PEAK1: variants seen among roughly 807,000 people sequenced by gnomAD.
The protein encoded by PEAK1 is inactive tyrosine-protein kinase PEAK1.
PEAK1 carries 54 observed loss-of-function variants against 124.7 expected under a neutral mutation model. That is an observed-to-expected ratio of 0.43 (90% CI 0.35 to 0.54). The LOEUF is 0.54. PEAK1 is among the 20% of genes least tolerant of loss of function. The pLI, the probability that PEAK1 is intolerant of heterozygous loss-of-function variation, is 0.01. For missense variants in PEAK1, 2,046 were observed against 2,134.5 expected (o/e 0.96, Z 0.82); for synonymous variants, 719 against 760.0 (o/e 0.95, Z 0.89).
At chr15:77,376,601 T>C (rs934852204) in intron 1 of PEAK1, among the ~76,000 whole-genome samples, 1 of 152,190 alleles carries the variant, frequency 6.6e-6, no homozygotes, top group Non-Finnish European at 1.5e-5. Flanking sequence ...CCACAGCATA[T>C]TTCGAAGATA....
At chr15:77,261,292 GAGA>G (rs1363021740) in intron 5 of PEAK1, among the ~76,000 whole-genome samples, 5 of 151,832 alleles carry the variant, frequency 3.3e-5, no homozygotes, top group East Asian at 1.9e-4. Context: ...GATGAGTTGA[GAGA>G]AGAAGGCTTC....
chr15:77,339,233 G>A (rs1425139448), intron 2 of PEAK1, among the ~76,000 whole-genome samples: 1 of 151,270 alleles, frequency 6.6e-6, no homozygotes, highest in Non-Finnish European at 1.5e-5. Context: ...ATCTCAGCCT[G>A]CGGGGTAGCT....
chr15:77,412,805 T>C (rs962639832), intron 1 of PEAK1, among the ~76,000 whole-genome samples: 1 of 151,682 alleles, frequency 6.6e-6, no homozygotes, highest in Non-Finnish European at 1.5e-5. Context: ...AAGATGAACC[T>C]GAAGCATGTG....
At chr15:77,150,530 A>G (rs1217338606) in intron 8 of PEAK1, among the ~76,000 whole-genome samples, 2 of 152,106 alleles carry the variant, frequency 1.3e-5, no homozygotes, top group East Asian at 3.8e-4. Context: ...TTTTTATTAC[A>G]CTTTAAGTTT....
chr15:77,116,498 G>A (rs1373633359), intron 9 of PEAK1, among the ~76,000 whole-genome samples: 1 of 151,570 alleles, frequency 6.6e-6, no homozygotes, highest in African/African-American at 2.4e-5. Context: ...CACATTCTTA[G>A]GAAGATTCAG....
chr15:77,183,143 C>T (rs141353474), intron 6 of PEAK1, among the ~76,000 whole-genome samples: 4 of 152,218 alleles, frequency 2.6e-5, no homozygotes, highest in Non-Finnish European at 5.9e-5. Flanking sequence ...CAAATCAAAA[C>T]GAGAATAATG....
At chr15:77,155,813 G>A (rs2055080591) in intron 8 of PEAK1, 1 of 153,482 alleles carries the variant, frequency 6.5e-6, no homozygotes, top group African/African-American at 2.4e-5. Context: ...CTGTAGAACA[G>A]TGGATTTTGG....
chr15:77,111,205 C>CTA lies in PEAK1; in HGVS notation c.*2949_*2950dup, dbSNP rs1439302426. ...CTGTTACTTGAGAAAATGTAAAGTG[C>CTA]TATACTAGTCACAATTCAAACACAT... On this transcript the variant is annotated 3_prime_UTR_variant, in exon 10 of 10. Transcript: ENST00000682557. The CTA allele has an allele frequency of 6.6e-6, 1 of 152,120 alleles. No individual in the cohort carries two copies. The highest frequency in any genetic ancestry group is 1.9e-4 in the East Asian group (1 of 5,198). 9.4% of individuals were successfully genotyped at this position (152,120 alleles called of 1,614,324 possible).
chr15:77,293,370 C>T (rs2152982531), intron 2 of PEAK1, among the ~76,000 whole-genome samples: 1 of 152,316 alleles, frequency 6.6e-6, no homozygotes, highest in East Asian at 1.9e-4. Flanking sequence ...TGGCACCAAG[C>T]CATCTTTTTA....
intron 6 of PEAK1, among the ~76,000 whole-genome samples, chr15:77,196,982 C>T (rs2058136479): frequency 6.6e-6 from 1 of 151,694 alleles, no homozygotes; most frequent in Non-Finnish European, 1.5e-5. Flanking sequence ...TCCTGAGTAG[C>T]TGGGACTACA....
At chr15:77,167,845 G>A (rs183907526) in intron 7 of PEAK1, among the ~76,000 whole-genome samples, 9 of 152,122 alleles carry the variant, frequency 5.9e-5, no homozygotes, top group East Asian at 3.9e-4. Flanking sequence ...CAATTAACTC[G>A]TCATTTACAT....
exon 7 of PEAK1, chr15:77,101,059 G>C (rs548203306): frequency 1.3e-5 from 2 of 152,500 alleles, no homozygotes; most frequent in East Asian, 3.9e-4. Flanking sequence ...CAGAGCTAGA[G>C]GGGCCCTCAA....
rs1228331094 is a variant in PEAK1 at position 77,152,242 on chromosome 15, T to C, written c.3331+6261A>G. On this transcript the variant is annotated intron_variant, in intron 8 of 9. Transcript: ENST00000682557. ...TGGATTCCTAGGTATTTTATTCTCTTTGAAGCAATTGTGAATGGGAGTTCA... is the reference window on the plus strand; with the variant it reads ...TGGATTCCTAGGTATTTTATTCTCTCTGAAGCAATTGTGAATGGGAGTTCA... Among the ~76,000 whole-genome samples the C allele has an allele frequency of 3.3e-5, 5 of 152,280 alleles. No homozygotes were observed. In the South Asian group the frequency reaches 1.0e-3, roughly 32 times the overall value.
chr15:77,237,819 T>C (rs2060190421), intron 6 of PEAK1, among the ~76,000 whole-genome samples: 1 of 152,188 alleles, frequency 6.6e-6, no homozygotes, highest in Non-Finnish European at 1.5e-5. Flanking sequence ...ATCTCTTCGT[T>C]TCTTTTAATT....
chr15:77,177,318 A>G (rs2056945920), intron 7 of PEAK1, among the ~76,000 whole-genome samples: 2 of 152,192 alleles, frequency 1.3e-5, no homozygotes, highest in South Asian at 4.1e-4. Context: ...TTACCATGGA[A>G]TATAACATTC....
chr15:77,327,824 G>C (rs1384996595), intron 2 of PEAK1, among the ~76,000 whole-genome samples: 1 of 151,826 alleles, frequency 6.6e-6, no homozygotes. Context: ...AAGATAAAGT[G>C]ATGAAAATTA....
At chr15:77,333,093 C>T in intron 2 of PEAK1, 3 of 983,608 alleles carry the variant, frequency 3.1e-6, no homozygotes, top group Non-Finnish European at 3.6e-6. Flanking sequence ...ATTTGCCTTT[C>T]AATTTTGTTG....
At chr15:77,236,181 C>A (rs2060113366) in intron 6 of PEAK1, among the ~76,000 whole-genome samples, 1 of 152,290 alleles carries the variant, frequency 6.6e-6, no homozygotes, top group South Asian at 2.1e-4. Flanking sequence ...CCTCCAGACC[C>A]CAGAATGGTA....
intron 1 of PEAK1, among the ~76,000 whole-genome samples, chr15:77,372,630 CT>C (rs1189288273): frequency 6.6e-6 from 1 of 152,154 alleles, no homozygotes; most frequent in African/African-American, 2.4e-5. Flanking sequence ...TTAGATATGG[CT>C]GAAGAACCTA....
Sources: allele counts gnomAD v4.1 joint callset (sites outside exome capture counted in the v4.1 genomes callset), GRCh38; gene constraint gnomAD v4.1.1; transcripts MANE v1.5; gene names NCBI Gene and HGNC (gene_info 2026-07-23, HGNC 2026-07-21).